CAMTA1: variants seen among roughly 807,000 people sequenced by gnomAD.
The protein encoded by CAMTA1 is calmodulin-binding transcription activator 1.
Under a neutral mutation model 170.9 loss-of-function variants are expected in CAMTA1, and 27 were observed. The observed-to-expected ratio is 0.16, with a 90% CI of 0.12 to 0.22. The LOEUF (loss-of-function observed/expected upper bound fraction) is 0.22. CAMTA1 is among the 10% of genes least tolerant of loss of function. CAMTA1 has a pLI of 1.00. For missense variants in CAMTA1, 1,619 were observed against 2,217.2 expected (o/e 0.73, Z 5.42); for synonymous variants, 833 against 891.5 (o/e 0.93, Z 1.17).
At chr1:7,273,250 A>G (rs1233322202) in intron 5 of CAMTA1, among the ~76,000 whole-genome samples, 1 of 152,230 alleles carries the variant, frequency 6.6e-6, no homozygotes, top group Non-Finnish European at 1.5e-5. Flanking sequence ...ACTCATAGAT[A>G]TGTACCCAAG....
chr1:7,384,243 GC>G (rs772878147), intron 5 of CAMTA1, among the ~76,000 whole-genome samples: 1 of 152,232 alleles, frequency 6.6e-6, no homozygotes, highest in Non-Finnish European at 1.5e-5. Context: ...TGTACTTACT[GC>G]TTCTGCCAGA....
Position 7,707,985 on chromosome 1 carries a change from A to G in CAMTA1, c.2915-24463A>G, listed in dbSNP as rs184534145. 3.8e-3 allele frequency among the ~76,000 whole-genome samples: 580 copies of G among 152,332 alleles called. 4 individuals carry two copies. Among genetic ancestry groups the G allele is most frequent in the African/African-American group, 0.013 (560 of 41,564 alleles). The stretch of plus-strand genomic sequence containing the variant: ...GATAGTTACTCTTCACCCCACAGGC[A>G]GTACAGCAAGTGACTCATTAAAACC... On this transcript the variant is annotated intron_variant, in intron 11 of 22. Coordinates refer to ENST00000303635, the MANE Select transcript of CAMTA1 (RefSeq NM_015215.4).
intron 11 of CAMTA1, among the ~76,000 whole-genome samples, chr1:7,711,875 T>C (rs2096573350): frequency 6.6e-6 from 1 of 152,162 alleles, no homozygotes; most frequent in Admixed American, 6.5e-5. Flanking sequence ...GAGTAATATT[T>C]CCCAGAAAAA....
intron 4 of CAMTA1, among the ~76,000 whole-genome samples, chr1:7,242,941 G>A (rs926672013): frequency 9.9e-4 from 151 of 151,912 alleles, no homozygotes; most frequent in African/African-American, 3.4e-3. Context: ...CAGCCTGGGC[G>A]ACAAAGCAAG....
rs572608290 is a variant in CAMTA1 at position 7,050,061 on chromosome 1, G to A, written c.235-41243G>A. Reference sequence around the variant, plus strand: ...ACGTTCCCAGGAGGGGACTGCAAGCGCGGTGTCCTTGGGGCGGGATTGCAC... The same window carrying A: ...ACGTTCCCAGGAGGGGACTGCAAGCACGGTGTCCTTGGGGCGGGATTGCAC... On this transcript the variant is annotated intron_variant, in intron 3 of 22. Coordinates refer to ENST00000303635, the MANE Select transcript of CAMTA1 (RefSeq NM_015215.4). This position sits in a 1 kb window ranked among gnomAD's most constrained non-coding sequence, Gnocchi z 4.8. Among the ~76,000 whole-genome samples, 62 of 152,352 alleles carry A rather than the reference G, an allele frequency of 4.1e-4. No individual in the cohort carries two copies. Among genetic ancestry groups the A allele is most frequent in the African/African-American group, 9.6e-4 (40 of 41,578 alleles).
chr1:7,583,504 A>G (rs2095279934), intron 6 of CAMTA1, among the ~76,000 whole-genome samples: 2 of 152,112 alleles, frequency 1.3e-5, no homozygotes, highest in Non-Finnish European at 2.9e-5. Context: ...GCTGCACCAG[A>G]AGAGAGCTAG....
chr1:7,061,545 G>T (rs1708208916), intron 3 of CAMTA1, among the ~76,000 whole-genome samples: 1 of 72,570 alleles, frequency 1.4e-5, no homozygotes. Context: ...AAGTGTTGGG[G>T]AAGGCCTTTT....
chr1:6,888,039 C>G (rs1202384123), intron 3 of CAMTA1: 6 of 1,117,204 alleles, frequency 5.4e-6, no homozygotes, highest in African/African-American at 1.6e-5. Context: ...CTTTTTCTTC[C>G]TAGCACCTGC....
At chr1:7,758,560 A>G (rs560249507) in intron 22 of CAMTA1, among the ~76,000 whole-genome samples, 70 of 152,300 alleles carry the variant, frequency 4.6e-4, no homozygotes, top group African/African-American at 1.3e-3. Flanking sequence ...CCCTCTAACA[A>G]TCCCCAAGTT....
chr1:6,974,842 T>C (rs1314625293), intron 3 of CAMTA1, among the ~76,000 whole-genome samples: 1 of 152,218 alleles, frequency 6.6e-6, no homozygotes, highest in Non-Finnish European at 1.5e-5. Flanking sequence ...TCCCTTGGGC[T>C]TAGACGGCCT....
intron 4 of CAMTA1, among the ~76,000 whole-genome samples, chr1:7,166,854 A>G (rs1225742080): frequency 2.0e-5 from 3 of 150,704 alleles, no homozygotes; most frequent in Non-Finnish European, 4.4e-5. Flanking sequence ...TCTGTTGCCC[A>G]AGCTGGAGCG....
At chr1:6,835,297 G>A (rs150641358) in intron 3 of CAMTA1, among the ~76,000 whole-genome samples, 4 of 152,198 alleles carry the variant, frequency 2.6e-5, no homozygotes, top group African/African-American at 9.7e-5. Flanking sequence ...AGTTGCACTC[G>A]AGACTCTGTA....
chr1:7,601,719 C>T (rs1425393444), intron 6 of CAMTA1, among the ~76,000 whole-genome samples: 2 of 151,328 alleles, frequency 1.3e-5, no homozygotes, highest in Non-Finnish European at 2.9e-5. Context: ...CTGGCGGATC[C>T]CTCGCGGTTA....
At chr1:7,090,036 C>T (rs1055251085) in intron 3 of CAMTA1, among the ~76,000 whole-genome samples, 2 of 152,228 alleles carry the variant, frequency 1.3e-5, no homozygotes, top group Admixed American at 6.5e-5. Context: ...GCTTCTGCTT[C>T]CCAGGTTCTT....
chr1:7,418,100 C>T (rs923260123), intron 5 of CAMTA1, among the ~76,000 whole-genome samples: 1 of 45,966 alleles, frequency 2.2e-5, no homozygotes, highest in African/African-American at 7.4e-5. Context: ...TCCCAGCTTT[C>T]CTCCTACCCC....
chr1:7,631,404 C>T (rs1351917765), intron 6 of CAMTA1, among the ~76,000 whole-genome samples: 2 of 152,158 alleles, frequency 1.3e-5, no homozygotes, highest in African/African-American at 4.8e-5. Context: ...GGGCTGGCAC[C>T]CAGAGACTCA....
At chr1:6,998,288 G>C (rs989203497) in intron 3 of CAMTA1, among the ~76,000 whole-genome samples, 27 of 152,202 alleles carry the variant, frequency 1.8e-4, no homozygotes, top group Non-Finnish European at 8.8e-5. Flanking sequence ...CAACATGTTG[G>C]CCAGGCTGGT....
rs2096063920 is a variant in CAMTA1, at chr1:7,671,932, GA to G, written c.2779+896del. On this transcript the variant is annotated intron_variant, in intron 10 of 22. Transcript: ENST00000303635. ...GAGTGCCGGACATGTCACAGAGGGG[GA>G]TGGAGATTGTGACGGAATGAATGAG... The G allele has an allele frequency of 8.8e-6, 4 of 452,604 alleles. No homozygotes were observed. In the Admixed American group the frequency reaches 9.4e-5, roughly 11 times the overall value. The allele number at this position is 452,604 out of a possible 1,614,324, so 28.0% of individuals were successfully genotyped here.
chr1:7,704,353 C>T (rs12126422), intron 11 of CAMTA1, among the ~76,000 whole-genome samples: 21,617 of 145,840 alleles, frequency 0.15, 2,021 homozygotes, highest in South Asian at 0.27. Flanking sequence ...CGGGCGCAGC[C>T]GTCGGGCTCC....
Sources: gnomAD v4.1 joint callset for allele counts (sites outside exome capture counted in the v4.1 genomes callset) on GRCh38, gnomAD v4.1.1 for gene constraint, Gnocchi (gnomAD v3.1) non-coding constraint, MANE v1.5 for transcripts, NCBI Gene and HGNC (gene_info 2026-07-23, HGNC 2026-07-21) for gene names.